The following PEPD variants were observed in gnomAD, a reference collection of about 807,000 sequenced individuals.
PEPD encodes the protein xaa-Pro dipeptidase.
A neutral mutation model predicts 60.7 loss-of-function variants in PEPD; 53 were observed. That is an observed-to-expected ratio of 0.87 (90% CI 0.70 to 1.10). PEPD has a LOEUF of 1.10. Among genes scored for constraint, PEPD ranks in the 50% least tolerant of loss-of-function variants. The pLI is 0.00. For missense variants in PEPD, 711 were observed against 711.9 expected, an observed-to-expected ratio of 1.00 and a Z score of 0.01; for synonymous variants, 267 against 284.1, an observed-to-expected ratio of 0.94 and a Z score of 0.60.
intron 3 of PEPD, among the ~76,000 whole-genome samples, chr19:33,502,330 C>CA (rs1453376321): frequency 1.3e-5 from 2 of 152,188 alleles, no homozygotes; most frequent in South Asian, 2.1e-4. Flanking sequence ...AGGCCTCAGA[C>CA]AAAAAAACAG....
intron 2 of PEPD, chr19:33,511,638 A>G (rs1456016093): frequency 4.3e-6 from 1 of 234,032 alleles, no homozygotes; most frequent in Admixed American, 5.1e-5. Flanking sequence ...ATGCTGCGCT[A>G]AAAGGACGTC....
At chr19:33,435,007 G>A (rs1014935922) in intron 9 of PEPD, among the ~76,000 whole-genome samples, 5 of 152,272 alleles carry the variant, frequency 3.3e-5, no homozygotes, top group South Asian at 2.1e-4. Context: ...CCAGGGACTC[G>A]GGAAAGATCA....
At chr19:33,477,906 C>A in intron 7 of PEPD, 140 bp downstream of exon 7, 1 of 707,760 alleles carries the variant, frequency 1.4e-6, no homozygotes, top group Non-Finnish European at 2.6e-6. Context: ...ACAAGCAAAA[C>A]AGAAAAGGCT....
intron 9 of PEPD, among the ~76,000 whole-genome samples, chr19:33,453,994 T>G (rs1286692267): frequency 1.3e-5 from 2 of 152,210 alleles, no homozygotes; most frequent in Non-Finnish European, 2.9e-5. Flanking sequence ...CCAGGACGTC[T>G]GGTCATAAAA....
chr19:33,440,622 C>G (rs1045706153), intron 9 of PEPD, among the ~76,000 whole-genome samples: 1 of 152,164 alleles, frequency 6.6e-6, no homozygotes, highest in Non-Finnish European at 1.5e-5. Flanking sequence ...CTTGACTGTC[C>G]GCTCTGTGCA....
At chr19:33,429,055 C>A (rs1393311682) in intron 9 of PEPD, among the ~76,000 whole-genome samples, 5 of 152,224 alleles carry the variant, frequency 3.3e-5, no homozygotes, top group Admixed American at 3.3e-4. Context: ...GACTGACTCT[C>A]ATCCCAAGAG....
intron 12 of PEPD, among the ~76,000 whole-genome samples, chr19:33,393,029 G>C (rs1395267058): frequency 1.3e-5 from 2 of 152,128 alleles, no homozygotes; most frequent in African/African-American, 4.8e-5. Flanking sequence ...CCCCAGCCAC[G>C]GCAGCAGCCT....
At chr19:33,411,273 T>A (rs1485645250) in intron 11 of PEPD, among the ~76,000 whole-genome samples, 1 of 152,146 alleles carries the variant, frequency 6.6e-6, no homozygotes, top group Non-Finnish European at 1.5e-5. Flanking sequence ...CCCTGCGGTC[T>A]TCCCAGCTCC....
intron 9 of PEPD, among the ~76,000 whole-genome samples, chr19:33,431,117 A>C (rs1969262694): frequency 7.0e-6 from 1 of 143,458 alleles, no homozygotes; most frequent in South Asian, 2.4e-4. Context: ...GAAGGAAGGG[A>C]GGAAGGGAGA....
intron 4 of PEPD, among the ~76,000 whole-genome samples, chr19:33,497,350 G>A (rs181575030): frequency 7.2e-5 from 11 of 152,366 alleles, no homozygotes; most frequent in East Asian, 5.8e-4. Flanking sequence ...TGGAACGCAC[G>A]CTTCACCTGC....
intron 4 of PEPD, among the ~76,000 whole-genome samples, chr19:33,499,599 G>C (rs1244199066): frequency 2.6e-5 from 4 of 152,228 alleles, no homozygotes; most frequent in Non-Finnish European, 5.9e-5. Flanking sequence ...GTGCACATCA[G>C]AACACAGTCA....
chr19:33,398,473 G>A (rs1349991211), intron 12 of PEPD, among the ~76,000 whole-genome samples: 1 of 152,224 alleles, frequency 6.6e-6, no homozygotes, highest in Non-Finnish European at 1.5e-5. Context: ...AAGGGTGTCT[G>A]AGAGACTCTG....
At chr19:33,396,341 A>G (rs976517429) in intron 12 of PEPD, among the ~76,000 whole-genome samples, 3 of 152,172 alleles carry the variant, frequency 2.0e-5, no homozygotes, top group Non-Finnish European at 2.9e-5. Flanking sequence ...ACGGGGCCAC[A>G]GGAGACACAT....
chr19:33,440,742 G>A (rs1239024775), intron 9 of PEPD, among the ~76,000 whole-genome samples: 1 of 152,316 alleles, frequency 6.6e-6, no homozygotes, highest in East Asian at 1.9e-4. Context: ...AATGCACTAT[G>A]TATTTTACTT....
intron 6 of PEPD, among the ~76,000 whole-genome samples, chr19:33,478,890 A>G (rs1219891427): frequency 6.6e-6 from 1 of 152,246 alleles, no homozygotes; most frequent in East Asian, 1.9e-4. Context: ...GAAAGAGAGC[A>G]CTGGCAATGG....
intron 9 of PEPD, among the ~76,000 whole-genome samples, chr19:33,460,620 C>A (rs1969908472): frequency 6.6e-6 from 1 of 152,194 alleles, no homozygotes; most frequent in Non-Finnish European, 1.5e-5. Context: ...CTCAGGGGCC[C>A]ACAGATCAGA....
At chr19:33,511,219 C>A (rs1340276410) in intron 2 of PEPD, 64 bp from the exon 3 acceptor site, 1 of 1,579,082 alleles carries the variant, frequency 6.3e-7, no homozygotes, top group Non-Finnish European at 8.7e-7. Flanking sequence ...GGACCGGTGG[C>A]TGCATCACAG....
chr19:33,397,609 G>A (rs76504033), intron 12 of PEPD, among the ~76,000 whole-genome samples: 2 of 151,840 alleles, frequency 1.3e-5, no homozygotes, highest in Non-Finnish European at 2.9e-5. Flanking sequence ...TGGTAGGTGT[G>A]GGGGGGCTGC....
At chr19:33,411,257 G>A (rs1968762515) in intron 11 of PEPD, among the ~76,000 whole-genome samples, 1 of 152,160 alleles carries the variant, frequency 6.6e-6, no homozygotes. Context: ...CAGAGCGTGG[G>A]AGGCTCCCTG....
Sources: allele counts gnomAD v4.1 joint callset (sites outside exome capture counted in the v4.1 genomes callset), GRCh38; gene constraint gnomAD v4.1.1; transcripts MANE v1.5; gene names NCBI Gene and HGNC (gene_info 2026-07-23, HGNC 2026-07-21).